Variants in PABIR3 observed in about 807,000 individuals in gnomAD.
PABIR3 encodes PABIR family member 1.
Under a neutral mutation model 23.1 loss-of-function variants are expected in PABIR3, and 20 were observed. That is an observed-to-expected ratio of 0.86 (90% CI 0.61 to 1.26). The LOEUF (loss-of-function observed/expected upper bound fraction) is 1.26. PABIR3 is among the 50% of genes most tolerant of loss of function. The pLI is 0.00. For missense variants in PABIR3, 189 were observed against 195.4 expected (o/e 0.97, Z 0.20); for synonymous variants, 69 against 68.5 (o/e 1.01, Z -0.04).
chrX:134,821,272 T>G, intron 3 of PABIR3: 3 of 896,050 alleles, frequency 3.3e-6, no homozygotes, highest in Non-Finnish European at 4.4e-6. Context: ...AAAAAACTGT[T>G]CCCTCACAAT....
intron 4 of PABIR3, among the ~76,000 whole-genome samples, chrX:134,829,499 G>T (rs2081664534): frequency 9.0e-6 from 1 of 110,516 alleles, no homozygotes; most frequent in Admixed American, 9.7e-5. Flanking sequence ...TAGAAATACT[G>T]CATACTCTTA....
Position 134,843,823 on chromosome X carries a change from G to A in PABIR3, c.247-1382G>A, listed in dbSNP as rs906151082. ...ACCTCGTGATCCGCCCACCTCGGCCGCCCAAAGTGCTGGGATTACAGGCGT... is the reference window on the plus strand; with the variant it reads ...ACCTCGTGATCCGCCCACCTCGGCCACCCAAAGTGCTGGGATTACAGGCGT... On this transcript the variant is annotated intron_variant, in intron 4 of 10. Coordinates refer to ENST00000645433, the MANE Select transcript of PABIR3 (RefSeq NM_001388447.1). Among the ~76,000 whole-genome samples the A allele has an allele frequency of 4.6e-5, 5 of 108,606 alleles. No individual in the cohort carries two copies. In the East Asian group the frequency reaches 8.6e-4, roughly 19 times the overall value. The allele number at this position is 108,606 out of a possible 115,157, so 94.3% of individuals were successfully genotyped here.
At position 134,835,048 on chromosome X, in the gene PABIR3, A is replaced by G. The variant is rs748900101; in HGVS notation, c.246+5766A>G. 3.6e-5 allele frequency: 4 copies of G among 111,645 alleles called. No individual in the cohort carries two copies. The East Asian group carries it at 8.4e-4, about 23-fold the overall frequency. The allele number at this position is 111,645 out of a possible 1,213,427, so 9.2% of individuals were successfully genotyped here. ...TTTTATCCTCTATTTCCTGTTAAAT[A>G]GTTTTTTTAATTTTTATTTATTTAT... On this transcript the variant is annotated intron_variant, in intron 4 of 10. Coordinates refer to ENST00000645433, the MANE Select transcript of PABIR3 (RefSeq NM_001388447.1).
chrX:134,817,337 A>T (rs907592818), intron 3 of PABIR3, among the ~76,000 whole-genome samples: 1 of 109,657 alleles, frequency 9.1e-6, no homozygotes, highest in Non-Finnish European at 1.9e-5. Context: ...TCTTCTTTCT[A>T]CTCATTTACT....
intron 3 of PABIR3, among the ~76,000 whole-genome samples, chrX:134,825,551 C>CT: frequency 8.9e-6 from 1 of 112,111 alleles, no homozygotes. Context: ...GAAGGGTCAG[C>CT]TAGTAGCATT....
At chrX:134,862,142 G>GTTTTTTTTTTTTTTT in the PABIR3 span, among the ~76,000 whole-genome samples, 1 of 47,909 alleles carries the variant, frequency 2.1e-5, no homozygotes, top group Non-Finnish European at 3.6e-5. Context: ...TTTATTGGCT[G>GTTTTTTTTTTTTTTT]TTTTTTTTTT....
chrX:134,828,124 C>T (rs1384510995), intron 3 of PABIR3, among the ~76,000 whole-genome samples: 2 of 102,354 alleles, frequency 2.0e-5, no homozygotes, highest in African/African-American at 7.1e-5. Flanking sequence ...TCTTGAACTC[C>T]TGGCCTCAAG....
chrX:134,854,090 G>A lies in PABIR3; in HGVS notation c.687-1G>A. Reference sequence around the variant, plus strand: ...CAATGAGTGGCATTTTCTTCTTCTAGTCTACTTCCAGCTACTTTTGATGGA... The same window carrying A: ...CAATGAGTGGCATTTTCTTCTTCTAATCTACTTCCAGCTACTTTTGATGGA... On this transcript the variant is annotated splice_acceptor_variant, in intron 10 of 10. Coordinates refer to ENST00000645433, the MANE Select transcript of PABIR3 (RefSeq NM_001388447.1). LOFTEE classifies it high-confidence loss of function. 1 of 1,210,224 alleles carries A rather than the reference G, an allele frequency of 8.3e-7. No homozygotes were observed. Among genetic ancestry groups the A allele is most frequent in the Non-Finnish European group, 1.1e-6 (1 of 894,759 alleles).
chrX:134,812,110 A>G (rs191245845), intron 2 of PABIR3, among the ~76,000 whole-genome samples: 1 of 112,697 alleles, frequency 8.9e-6, no homozygotes, highest in East Asian at 2.8e-4. Context: ...CCATCCAGTT[A>G]TACTACTTCT....
At chrX:134,820,586 T>A (rs1277337310) in intron 3 of PABIR3, among the ~76,000 whole-genome samples, 1 of 111,047 alleles carries the variant, frequency 9.0e-6, no homozygotes, top group African/African-American at 3.3e-5. Context: ...TGAAAAGAGT[T>A]TTGGAGATTG....
At chrX:134,844,190 G>A (rs965366960) in intron 4 of PABIR3, 27 of 111,044 alleles carry the variant, frequency 2.4e-4, no homozygotes, top group Admixed American at 6.8e-4. Context: ...CTCACAAAGT[G>A]CTGGTATGCA....
At chrX:134,825,820 G>T (rs1197657844) in intron 3 of PABIR3, among the ~76,000 whole-genome samples, 1 of 102,054 alleles carries the variant, frequency 9.8e-6, no homozygotes, top group Non-Finnish European at 2.0e-5. Context: ...CTGCTACCAC[G>T]CCCGGATCTT....
At chrX:134,863,686 G>C in the PABIR3 span, among the ~76,000 whole-genome samples, 1 of 111,601 alleles carries the variant, frequency 9.0e-6, no homozygotes, top group African/African-American at 3.3e-5. Flanking sequence ...GTGATGTGTA[G>C]AATATCATTT....
chrX:134,861,065 A>G, the PABIR3 span, among the ~76,000 whole-genome samples: 1 of 111,233 alleles, frequency 9.0e-6, no homozygotes, highest in Non-Finnish European at 1.9e-5. Flanking sequence ...TCACAAGGTC[A>G]GGAGTTGGAG....
chrX:134,821,599 T>G (rs1284574284), intron 3 of PABIR3: 1 of 1,135,972 alleles, frequency 8.8e-7, no homozygotes. Flanking sequence ...TCTTGAGCAA[T>G]TCATCTGTTC....
intron 4 of PABIR3, among the ~76,000 whole-genome samples, chrX:134,831,411 T>C: frequency 8.9e-6 from 1 of 111,795 alleles, no homozygotes; most frequent in East Asian, 2.8e-4. Flanking sequence ...ACTGACTTCT[T>C]TGTCCCTATT....
In PABIR3 at chrX:134,824,299, C is replaced by T. The variant is rs186775945; in HGVS notation, c.190-4927C>T. On this transcript the variant is annotated intron_variant, in intron 3 of 10. Coordinates refer to ENST00000645433, the MANE Select transcript of PABIR3 (RefSeq NM_001388447.1). ...TAATAATGCCTACCTCATGGGGTTG[C>T]TGTGAGAATTGAGTGAGATAAAACG... is the stretch of plus-strand genomic sequence containing the variant. 4.6e-4 allele frequency among the ~76,000 whole-genome samples: 51 copies of T among 111,377 alleles called. 1 individual carries two copies. The East Asian group carries it at 0.011, about 23-fold the overall frequency.
At chrX:134,849,070 G>A (rs986604252) in intron 8 of PABIR3, 97 bp from the exon 9 acceptor site, 3 of 325,141 alleles carry the variant, frequency 9.2e-6, no homozygotes, top group Admixed American at 6.6e-5. Context: ...ACAGAGTCCC[G>A]TTTTTGTGTA....
intron 7 of PABIR3, 89 bp from the exon 8 acceptor site, chrX:134,847,794 C>G: frequency 1.4e-6 from 1 of 733,400 alleles, no homozygotes. Flanking sequence ...GTCTCCCTCC[C>G]TACCATCCCT....
Sources: gnomAD v4.1 joint callset for allele counts (sites outside exome capture counted in the v4.1 genomes callset) on GRCh38, gnomAD v4.1.1 for gene constraint, MANE v1.5 for transcripts, NCBI Gene and HGNC (gene_info 2026-07-23, HGNC 2026-07-21) for gene names.